SARDH: variants seen among roughly 807,000 people sequenced by gnomAD.
SARDH encodes the protein sarcosine dehydrogenase, also known as sarcosine dehydrogenase, mitochondrial.
SARDH carries 95 observed loss-of-function variants against 109.1 expected under a neutral mutation model. The observed-to-expected ratio is 0.87, with a 90% CI of 0.74 to 1.03. SARDH has a LOEUF of 1.03. Among genes scored for constraint, SARDH ranks in the 50% least tolerant of loss-of-function variants. The probability of loss-of-function intolerance (pLI) is 0.00; values close to 1 mark genes in which losing one functional copy is unlikely to be tolerated. For missense variants in SARDH, 1,267 were observed against 1,287.8 expected (o/e 0.98, Z 0.25); for synonymous variants, 572 against 534.8 (o/e 1.07, Z -0.96).
At position 133,676,108 on chromosome 9, in the gene SARDH, AC is replaced by A. The variant is rs1262690064; in HGVS notation, c.2164-4412del. Among the ~76,000 whole-genome samples, 11 of 62,188 alleles carry A rather than the reference AC, an allele frequency of 1.8e-4. No individual in the cohort carries two copies. In the East Asian group the frequency reaches 9.0e-3, roughly 51 times the overall value. The allele number at this position is 62,188 out of a possible 152,430, so 40.8% of individuals were successfully genotyped here. A position where few individuals can be genotyped will look rare whatever the true frequency, so the allele number is the denominator to read the frequency against. ...CCTGTCTGAAATTAAAAAAAAAAAC[AC>A]ACACCAAAAACAGATGATGAACAGA... On this transcript the variant is annotated intron_variant, in intron 17 of 20. Coordinates refer to ENST00000439388, the MANE Select transcript of SARDH (RefSeq NM_001134707.2).
chr9:133,659,938 G>A (rs1832390841), downstream of SARDH, among the ~76,000 whole-genome samples: 1 of 152,110 alleles, frequency 6.6e-6, no homozygotes, highest in South Asian at 2.1e-4. Flanking sequence ...GGCACTTGTA[G>A]CCTGCCGATC....
chr9:133,670,530 G>A, intron 19 of SARDH, 54 bp downstream of exon 19: 1 of 1,530,778 alleles, frequency 6.5e-7, no homozygotes, highest in Non-Finnish European at 8.8e-7. Context: ...GCGCCTGCCT[G>A]CCCTGGCTGT....
chr9:133,716,036 A>G (rs1340147504), intron 8 of SARDH, among the ~76,000 whole-genome samples: 3 of 152,252 alleles, frequency 2.0e-5, no homozygotes, highest in Non-Finnish European at 2.9e-5. Context: ...TGGAACCCCA[A>G]TGTGGGGGAT....
intron 11 of SARDH, among the ~76,000 whole-genome samples, chr9:133,705,974 A>G (rs1016471835): frequency 2.6e-5 from 4 of 152,134 alleles, no homozygotes; most frequent in African/African-American, 9.7e-5. Context: ...ATCGTCTGAC[A>G]CCTTGATCTT....
At chr9:133,667,210 T>A in intron 19 of SARDH, 1 of 529,118 alleles carries the variant, frequency 1.9e-6, no homozygotes, top group Non-Finnish European at 3.3e-6. Context: ...TTTTTTTTTT[T>A]TTTTTTGGTG....
At position 133,685,328 on chromosome 9, in the gene SARDH, G is replaced by T. The variant is rs774983027; in HGVS notation, c.2070-42C>A. The stretch of plus-strand genomic sequence containing the variant: ...AGTCGCTCAGTCAGCAAGTGCTCAC[G>T]GGTGGGGCCTGGGCAGGAAAGGCCC... On this transcript the variant is annotated intron_variant, in intron 16 of 20. Transcript: ENST00000439388. 7 of 1,576,770 alleles carry T rather than the reference G, an allele frequency of 4.4e-6. No individual in the cohort carries two copies. In the African/African-American group the frequency reaches 8.1e-5, roughly 18 times the overall value.
intron 8 of SARDH, 62 bp downstream of exon 8, chr9:133,717,264 C>G (rs1177381833): frequency 1.3e-6 from 2 of 1,597,770 alleles, no homozygotes; most frequent in African/African-American, 2.7e-5. Flanking sequence ...GGCATCACTA[C>G]TAACAGTCAT....
At chr9:133,701,229 T>C (rs566739803) in intron 13 of SARDH, among the ~76,000 whole-genome samples, 6 of 152,320 alleles carry the variant, frequency 3.9e-5, no homozygotes, top group Admixed American at 2.6e-4. Context: ...ATCAGGGAAA[T>C]TGGCCGGTGC....
At chr9:133,661,729 C>G (rs532849157), downstream of SARDH, among the ~76,000 whole-genome samples, 166 of 152,264 alleles carry the variant, frequency 1.1e-3, 8 homozygotes, top group South Asian at 0.033. Context: ...GATCCGCCCC[C>G]CTCGGCCTCC....
intron 17 of SARDH, 32 bp downstream of exon 17, chr9:133,685,161 C>A (rs921049381): frequency 6.3e-7 from 1 of 1,598,572 alleles, no homozygotes; most frequent in Non-Finnish European, 8.6e-7. Flanking sequence ...CTGCCACCCA[C>A]GACCCAGAGG....
At chr9:133,669,453 C>T (rs1191983147) in intron 19 of SARDH, among the ~76,000 whole-genome samples, 1 of 150,808 alleles carries the variant, frequency 6.6e-6, no homozygotes, top group Non-Finnish European at 1.5e-5. Flanking sequence ...CCAAAGCCGC[C>T]CACTTCCCCG....
intron 5 of SARDH, 83 bp downstream of exon 5, chr9:133,729,981 G>A (rs895013378): frequency 1.1e-5 from 18 of 1,594,182 alleles, no homozygotes; most frequent in African/African-American, 1.3e-5. Context: ...CCCCACCCCA[G>A]AAAGAAGCCC....
intron 17 of SARDH, among the ~76,000 whole-genome samples, chr9:133,677,265 G>A (rs1830548103): frequency 6.6e-6 from 1 of 151,486 alleles, no homozygotes; most frequent in Non-Finnish European, 1.5e-5. Flanking sequence ...CTGTCAGCCT[G>A]GAAACCCACA....
Position 133,738,346 on chromosome 9 carries a change from G to A in SARDH, c.-123C>T, listed in dbSNP as rs1200617990. 6.6e-6 allele frequency: 1 copy of A among 152,256 alleles called. No homozygotes were observed. The highest frequency in any genetic ancestry group is 1.5e-5 in the Non-Finnish European group (1 of 68,110). 9.4% of individuals were successfully genotyped at this position (152,256 alleles called of 1,614,324 possible). Reference sequence around the variant, plus strand: ...TGCTTCCCAAGCAGTGGCCTGGCCGGAACTCCAGGCCTCCCCCGCCCCCCA... The same window carrying A: ...TGCTTCCCAAGCAGTGGCCTGGCCGAAACTCCAGGCCTCCCCCGCCCCCCA... On this transcript the variant is annotated 5_prime_UTR_variant, in exon 1 of 21. Transcript: ENST00000439388.
intron 4 of SARDH, among the ~76,000 whole-genome samples, chr9:133,730,445 C>T (rs550073323): frequency 2.2e-5 from 3 of 138,232 alleles, no homozygotes; most frequent in Non-Finnish European, 4.6e-5. Flanking sequence ...CTTTTCATAA[C>T]GTGAAAAAGT....
At chr9:133,715,116 C>T (rs1030247733) in intron 8 of SARDH, among the ~76,000 whole-genome samples, 6 of 152,140 alleles carry the variant, frequency 3.9e-5, no homozygotes, top group Admixed American at 6.5e-5. Flanking sequence ...CCCTCCCAGG[C>T]GCTCCCTAAG....
At chr9:133,732,204 C>T (rs1295893044) in intron 3 of SARDH, among the ~76,000 whole-genome samples, 1 of 152,112 alleles carries the variant, frequency 6.6e-6, no homozygotes, top group Non-Finnish European at 1.5e-5. Flanking sequence ...ACATGAGCCC[C>T]ACTCCCGACC....
Position 133,663,924 on chromosome 9 carries a change from C to T in SARDH, c.2722G>A (p.Asp908Asn), listed in dbSNP as rs774416651. Reference protein sequence around the residue: ...GAQAHLKSPFDPNNKRVKGIY With the variant: ...GAQAHLKSPFNPNNKRVKGIY ...CCCTTCACCCTCTTGTTGTTGGGGTCGAAGGGCGACTTCAGGTGAGCCTGG... is the reference window on the plus strand; with the variant it reads ...CCCTTCACCCTCTTGTTGTTGGGGTTGAAGGGCGACTTCAGGTGAGCCTGG... Residue 908 changes from aspartate (D) to asparagine (N), a missense_variant, in exon 21 of 21, where the codon GAC becomes AAC. Transcript: ENST00000439388. 17 of 1,614,144 alleles carry T rather than the reference C, an allele frequency of 1.1e-5. No homozygotes were observed. Among genetic ancestry groups the T allele is most frequent in the East Asian group, 4.5e-5 (2 of 44,880 alleles).
chr9:133,719,890 T>A (rs1832265406), intron 6 of SARDH, among the ~76,000 whole-genome samples: 1 of 151,248 alleles, frequency 6.6e-6, no homozygotes, highest in African/African-American at 2.4e-5. Flanking sequence ...GGCAGGCAGA[T>A]CACGAGGTCA....
Sources: gnomAD v4.1 joint callset for allele counts (sites outside exome capture counted in the v4.1 genomes callset) on GRCh38, gnomAD v4.1.1 for gene constraint, MANE v1.5 for transcripts, NCBI Gene and HGNC (gene_info 2026-07-23, HGNC 2026-07-21) for gene names.